TAOK3: variants seen among roughly 807,000 people sequenced by gnomAD.
TAOK3 encodes the protein TAO kinase 3, also known as serine/threonine-protein kinase TAO3.
Under a neutral mutation model 120.4 loss-of-function variants are expected in TAOK3, and 40 were observed. The ratio of observed to expected loss-of-function variants is 0.33; its 90% CI spans 0.26 to 0.43. The LOEUF (loss-of-function observed/expected upper bound fraction) is 0.43, where lower values mean the gene tolerates loss of function less well. Ranked by LOEUF, TAOK3 falls within the 20% of genes least tolerant of loss-of-function variation. The probability of loss-of-function intolerance (pLI) is 1.00; values close to 1 mark genes in which losing one functional copy is unlikely to be tolerated. For missense variants in TAOK3, 821 were observed against 1,112.1 expected, an observed-to-expected ratio of 0.74 and a Z score of 3.72; for synonymous variants, 355 against 387.5, an observed-to-expected ratio of 0.92 and a Z score of 0.99.
At chr12:118,269,033 A>C (rs905952541) in intron 1 of TAOK3, among the ~76,000 whole-genome samples, 3 of 152,064 alleles carry the variant, frequency 2.0e-5, no homozygotes, top group Admixed American at 6.6e-5. Context: ...AAAGAAAACA[A>C]AAGAAAAGAA....
chr12:118,225,360 A>G (rs2139706619), intron 9 of TAOK3, among the ~76,000 whole-genome samples: 1 of 151,906 alleles, frequency 6.6e-6, no homozygotes, highest in African/African-American at 2.4e-5. Context: ...TGCTTAGGGA[A>G]TATTTGAAAC....
chr12:118,302,137 T>A (rs1429513498), intron 1 of TAOK3, among the ~76,000 whole-genome samples: 2 of 152,204 alleles, frequency 1.3e-5, no homozygotes, highest in Non-Finnish European at 2.9e-5. Flanking sequence ...AAGTACAGCA[T>A]GCATTTCTGC....
chr12:118,303,084 T>C (rs553482013), intron 1 of TAOK3, among the ~76,000 whole-genome samples: 11 of 152,334 alleles, frequency 7.2e-5, no homozygotes, highest in Admixed American at 3.9e-4. Context: ...ACTGAATTCC[T>C]TTCACTTATT....
chr12:118,311,851 A>C (rs183877025), intron 1 of TAOK3, among the ~76,000 whole-genome samples: 193 of 152,304 alleles, frequency 1.3e-3, no homozygotes, highest in African/African-American at 4.4e-3. Context: ...GGGATGTAAG[A>C]GTTAATGGAA....
rs201373960 is a variant in TAOK3, at chr12:118,303,191, CTATT to C, written c.-193-36436_-193-36433del. Among the ~76,000 whole-genome samples, 509 of 152,284 alleles carry C rather than the reference CTATT, an allele frequency of 3.3e-3. 17 individuals are homozygous for C. The highest frequency in any genetic ancestry group is 0.029 in the Admixed American group (445 of 15,288). On this transcript the variant is annotated intron_variant, in intron 1 of 20. Transcript: ENST00000392533. ...TTTAATAAAAGATGTATTATAAGCCCTATTTACTCTTCTTAAAATTGAAATCAGC... is the reference window on the plus strand; with the variant it reads ...TTTAATAAAAGATGTATTATAAGCCCTACTCTTCTTAAAATTGAAATCAGC...
chr12:118,197,739 G>A (rs1371228276), intron 13 of TAOK3, among the ~76,000 whole-genome samples: 6 of 139,394 alleles, frequency 4.3e-5, no homozygotes, highest in Non-Finnish European at 1.5e-5. Context: ...CCAAGCTGGA[G>A]TGCAGTGGCG....
At chr12:118,247,067 A>C in intron 3 of TAOK3, 1 of 565,092 alleles carries the variant, frequency 1.8e-6, no homozygotes, top group South Asian at 2.9e-5. Flanking sequence ...GAGCAGTGCT[A>C]TCTGATAGAA....
intron 10 of TAOK3, among the ~76,000 whole-genome samples, chr12:118,213,737 G>C (rs1034852680): frequency 2.6e-5 from 4 of 152,116 alleles, no homozygotes; most frequent in Non-Finnish European, 5.9e-5. Context: ...TGGGACAATA[G>C]ACTTGTTAGG....
chr12:118,259,187 T>G (rs989406538), intron 2 of TAOK3, among the ~76,000 whole-genome samples: 2 of 152,192 alleles, frequency 1.3e-5, no homozygotes, highest in African/African-American at 2.4e-5. Context: ...ATGAAGGGAC[T>G]TCTGCTTCTA....
chr12:118,240,110 G>C (rs183393552), intron 5 of TAOK3, among the ~76,000 whole-genome samples: 4 of 152,112 alleles, frequency 2.6e-5, no homozygotes. Context: ...GGAGGCTATC[G>C]ATAGTTATTG....
At chr12:118,252,596 A>T (rs1291942472) in intron 3 of TAOK3, among the ~76,000 whole-genome samples, 2 of 152,172 alleles carry the variant, frequency 1.3e-5, no homozygotes, top group African/African-American at 4.8e-5. Flanking sequence ...GTATACTTAT[A>T]ATAAAAACGC....
At chr12:118,366,136 C>T (rs547014490) in intron 1 of TAOK3, among the ~76,000 whole-genome samples, 19 of 152,140 alleles carry the variant, frequency 1.2e-4, no homozygotes, top group African/African-American at 3.4e-4. Context: ...TGGTGGTTGG[C>T]GCCTGTAATC....
intron 17 of TAOK3, among the ~76,000 whole-genome samples, chr12:118,164,808 G>A (rs1205613579): frequency 1.3e-5 from 2 of 152,290 alleles, no homozygotes; most frequent in East Asian, 3.9e-4. Context: ...TATTTTAATA[G>A]ATATCATCGA....
In TAOK3 at chr12:118,238,133, G is replaced by A. The variant is rs1293640025; in HGVS notation, c.377C>T (p.Ala126Val). 1.2e-6 allele frequency: 2 copies of A among 1,611,764 alleles called. No individual in the cohort carries two copies. The highest frequency in any genetic ancestry group is 1.1e-5 in the South Asian group (1 of 90,740). The change falls in exon 7 of 21, where the codon GCC becomes GTC. Residue 126 changes from alanine to valine, a missense_variant. Physicochemically the swap from Ala to Val is moderately conservative, Grantham distance 64 (BLOSUM62 0). Transcript: ENST00000392533. ...TCCATGCAAGGCTCCATGAGTAATGGCAGCGATCTCCACTTCCTGAAGTGG... is the reference window on the plus strand; with the variant it reads ...TCCATGCAAGGCTCCATGAGTAATGACAGCGATCTCCACTTCCTGAAGTGG... ...KKPLQEVEIAAITHGALHGLA... is the reference protein window; with the variant it reads ...KKPLQEVEIAVITHGALHGLA...
In TAOK3 at chr12:118,266,712, T is replaced by A. The variant is rs2140273614; in HGVS notation, c.-146A>T. Reference sequence around the variant, plus strand: ...GCTCAGATTCATTTTAGCAGCAAACTTCTCTTTTCTCTTTTATAACTTCAG... The same window carrying A: ...GCTCAGATTCATTTTAGCAGCAAACATCTCTTTTCTCTTTTATAACTTCAG... On this transcript the variant is annotated 5_prime_UTR_variant, in exon 2 of 21. It adds an upstream start codon to the 5' untranslated region. Coordinates refer to ENST00000392533, the MANE Select transcript of TAOK3 (RefSeq NM_016281.4). 2.5e-6 allele frequency: 1 copy of A among 397,964 alleles called. No individual in the cohort carries two copies. The highest frequency in any genetic ancestry group is 3.6e-5 in the East Asian group (1 of 27,926). 24.7% of individuals were successfully genotyped at this position (397,964 alleles called of 1,614,324 possible).
intron 9 of TAOK3, among the ~76,000 whole-genome samples, chr12:118,225,698 A>C (rs1349375727): frequency 1.3e-5 from 2 of 152,332 alleles, no homozygotes; most frequent in South Asian, 2.1e-4. Context: ...GCTGCCAACT[A>C]TAAGAGGCTG....
intron 1 of TAOK3, among the ~76,000 whole-genome samples, chr12:118,302,697 A>T (rs2042922474): frequency 6.6e-6 from 1 of 152,246 alleles, no homozygotes; most frequent in Non-Finnish European, 1.5e-5. Context: ...CACTCAAGAC[A>T]TGTTGGATAA....
Position 118,196,846 on chromosome 12 carries a change from C to T in TAOK3, c.1194+2205G>A, listed in dbSNP as rs370725966. On this transcript the variant is annotated intron_variant, in intron 13 of 20. Coordinates refer to ENST00000392533, the MANE Select transcript of TAOK3 (RefSeq NM_016281.4). ...AGTTATTTACTGAGCATCTATGCTG[C>T]GCCAGGCACTATTCTAGGTATTGGA... 3.9e-4 allele frequency among the ~76,000 whole-genome samples: 59 copies of T among 152,204 alleles called. 1 individual carries two copies. The highest frequency in any genetic ancestry group is 1.3e-3 in the African/African-American group (54 of 41,548).
intron 1 of TAOK3, among the ~76,000 whole-genome samples, chr12:118,365,420 ATGGGCG>A (rs1167300095): frequency 8.4e-6 from 1 of 118,676 alleles, no homozygotes; most frequent in East Asian, 2.8e-4. Context: ...TTTTGTAGAG[ATGGGCG>A]GGGGCGGGGG....
Sources: allele counts gnomAD v4.1 joint callset (sites outside exome capture counted in the v4.1 genomes callset), GRCh38; gene constraint gnomAD v4.1.1; transcripts MANE v1.5; gene names NCBI Gene and HGNC (gene_info 2026-07-23, HGNC 2026-07-21).